WDR45B: variants seen among roughly 807,000 people sequenced by gnomAD.
The protein encoded by WDR45B is WD repeat domain 45B.
In WDR45B, 20 loss-of-function variants were observed where a neutral mutation model predicts 44.6. That is an observed-to-expected ratio of 0.45 (90% CI 0.32 to 0.65). The LOEUF is 0.65. Among genes scored for constraint, WDR45B ranks in the 30% least tolerant of loss-of-function variants. The pLI is 0.05. For synonymous variants in WDR45B, 169 were observed against 164.9 expected (o/e 1.02, Z -0.19); for missense variants, 323 against 430.2 (o/e 0.75, Z 2.20).
chr17:82,648,121 G>C (rs1295174863), intron 1 of WDR45B, among the ~76,000 whole-genome samples, 153 bp downstream of exon 1: 1 of 151,098 alleles, frequency 6.6e-6, no homozygotes, highest in African/African-American at 2.4e-5. Flanking sequence ...GCGAGGGCCG[G>C]GGCCGGGGGC....
intron 5 of WDR45B, among the ~76,000 whole-genome samples, chr17:82,622,816 G>A (rs2045636951): frequency 6.6e-6 from 1 of 151,560 alleles, no homozygotes; most frequent in African/African-American, 2.4e-5. Flanking sequence ...GGATGGTACT[G>A]GGATAAAGAC....
At chr17:82,628,957 G>A (rs556266557) in intron 3 of WDR45B, among the ~76,000 whole-genome samples, 14 of 149,610 alleles carry the variant, frequency 9.4e-5, no homozygotes, top group East Asian at 2.1e-4. Context: ...CCAGGACTGC[G>A]CAACTGCATT....
intron 3 of WDR45B, 106 bp from the exon 4 acceptor site, chr17:82,627,397 C>T (rs1383727809): frequency 2.2e-6 from 2 of 914,748 alleles, no homozygotes; most frequent in African/African-American, 3.3e-5. Flanking sequence ...CCCACTGGCA[C>T]AGCTGCGCCC....
chr17:82,628,104 C>T (rs1312189128), intron 3 of WDR45B, among the ~76,000 whole-genome samples: 1 of 152,146 alleles, frequency 6.6e-6, no homozygotes. Flanking sequence ...GAGATTCTCC[C>T]ACGTCAGCTT....
At position 82,617,361 on chromosome 17, in the gene WDR45B, T is replaced by C; in HGVS notation, c.741A>G (p.Val247=). The C allele has an allele frequency of 6.2e-7, 1 of 1,614,160 alleles. No individual in the cohort carries two copies. The highest frequency in any genetic ancestry group is 8.5e-7 in the Non-Finnish European group (1 of 1,180,018). ...NFNQDASLIC[V]SSDHGTVHIF... ...TATGCACTGTGCCGTGGTCGCTGGA[T>C]ACGCAGATGAGGGACGCATCCTGAT... The change falls in exon 8 of 10, where the codon GTA becomes GTG. Residue 247 remains valine (V), a synonymous_variant. Coordinates refer to ENST00000392325, the MANE Select transcript of WDR45B (RefSeq NM_019613.4).
At chr17:82,629,977 C>G (rs2045746675) in intron 3 of WDR45B, 2 of 982,008 alleles carry the variant, frequency 2.0e-6, no homozygotes, top group Non-Finnish European at 1.2e-6. Context: ...TCCTCCCACC[C>G]TACCCACCCA....
At chr17:82,616,971 C>G (rs933815927) in intron 8 of WDR45B, among the ~76,000 whole-genome samples, 2 of 152,126 alleles carry the variant, frequency 1.3e-5, no homozygotes, top group Non-Finnish European at 2.9e-5. Flanking sequence ...GCACCCGCCA[C>G]CACGCCCGGC....
At chr17:82,645,674 A>T (rs192147548) in intron 1 of WDR45B, among the ~76,000 whole-genome samples, 4 of 152,346 alleles carry the variant, frequency 2.6e-5, no homozygotes, top group Admixed American at 2.6e-4. Flanking sequence ...AAATGTGAAC[A>T]TATGGTCACT....
Position 82,619,036 on chromosome 17 carries a change from C to A in WDR45B, c.704+7G>T, listed in dbSNP as rs758803442. On this transcript the variant is annotated splice_region_variant and intron_variant, in intron 7 of 9. Transcript: ENST00000392325. Reference sequence around the variant, plus strand: ...TTCTTCTCCGGTGAAGTTGGAGGTGCCCTTACCAGTAAATATTGGCTGCTT... The same window carrying A: ...TTCTTCTCCGGTGAAGTTGGAGGTGACCTTACCAGTAAATATTGGCTGCTT... 3.1e-6 allele frequency: 5 copies of A among 1,613,808 alleles called. No homozygotes were observed. The African/African-American group carries it at 6.7e-5, about 22-fold the overall frequency.
intron 2 of WDR45B, among the ~76,000 whole-genome samples, chr17:82,632,537 A>G (rs939605937): frequency 2.6e-5 from 4 of 152,112 alleles, no homozygotes; most frequent in Non-Finnish European, 4.4e-5. Flanking sequence ...TCCATGACAA[A>G]AGGATGACCA....
chr17:82,643,824 G>T, intron 2 of WDR45B, 125 bp downstream of exon 2: 1 of 895,264 alleles, frequency 1.1e-6, no homozygotes. Flanking sequence ...AAGTTTATGA[G>T]GGGCCATGAA....
At chr17:82,621,882 C>A in intron 5 of WDR45B, 83 bp from the exon 6 acceptor site, 1 of 1,412,742 alleles carries the variant, frequency 7.1e-7, no homozygotes, top group African/African-American at 1.4e-5. Flanking sequence ...CAAAGTTCTC[C>A]GAAAAAATAG....
chr17:82,620,048 G>GA lies in WDR45B; in HGVS notation c.619-921dup, dbSNP rs554223313. On this transcript the variant is annotated intron_variant, in intron 6 of 9. Coordinates refer to ENST00000392325, the MANE Select transcript of WDR45B (RefSeq NM_019613.4). ...GAGAATCTAAAGATAAAAAGGGTAAGAAAAAATGTACCAAAAATACAGAGG... is the reference window on the plus strand; with the variant it reads ...GAGAATCTAAAGATAAAAAGGGTAAGAAAAAAATGTACCAAAAATACAGAGG... Among the ~76,000 whole-genome samples, 276 of 152,280 alleles carry GA rather than the reference G, an allele frequency of 1.8e-3. 1 individual carries two copies. The highest frequency in any genetic ancestry group is 3.5e-3 in the Non-Finnish European group (235 of 68,012).
At chr17:82,624,533 T>C (rs2045666422) in intron 5 of WDR45B, among the ~76,000 whole-genome samples, 2 of 152,106 alleles carry the variant, frequency 1.3e-5, no homozygotes, top group Admixed American at 1.3e-4. Flanking sequence ...GTGCTGGGAT[T>C]ACAGGCGTGA....
At position 82,619,147 on chromosome 17, in the gene WDR45B, T is replaced by A. The variant is rs1436704983; in HGVS notation, c.619-19A>T. 2 of 1,609,986 alleles carry A rather than the reference T, an allele frequency of 1.2e-6. No homozygotes were observed. Among genetic ancestry groups the A allele is most frequent in the Admixed American group, 3.3e-5 (2 of 60,018 alleles). ...GCGTCCCCTTTGAAAAACAGTGAAG[T>A]GTTTCATTATCAAAGATTCAAAACT... On this transcript the variant is annotated intron_variant, in intron 6 of 9. Coordinates refer to ENST00000392325, the MANE Select transcript of WDR45B (RefSeq NM_019613.4).
At chr17:82,638,976 C>T (rs1383631024) in intron 2 of WDR45B, among the ~76,000 whole-genome samples, 2 of 151,910 alleles carry the variant, frequency 1.3e-5, no homozygotes, top group Non-Finnish European at 2.9e-5. Flanking sequence ...GCACCCACCA[C>T]CATGCCCGGC....
chr17:82,636,687 T>C (rs1297713256), intron 2 of WDR45B: 2 of 152,084 alleles, frequency 1.3e-5, no homozygotes, highest in Non-Finnish European at 2.9e-5. Flanking sequence ...AAAGGGTTTA[T>C]TTAGCCTGTT....
intron 6 of WDR45B, 64 bp downstream of exon 6, chr17:82,621,545 G>A: frequency 2.5e-6 from 4 of 1,605,820 alleles, no homozygotes; most frequent in East Asian, 4.5e-5. Context: ...TACAGGGAAT[G>A]GCCATTTTGC....
In WDR45B at chr17:82,631,103, A is replaced by T; in HGVS notation, c.143-81T>A. The T allele has an allele frequency of 3.6e-6, 5 of 1,401,670 alleles. No individual in the cohort carries two copies. The South Asian group carries it at 5.9e-5, about 16-fold the overall frequency. 86.8% of individuals were successfully genotyped at this position (1,401,670 alleles called of 1,614,324 possible). A position where few individuals can be genotyped will look rare whatever the true frequency, so the allele number is the denominator to read the frequency against. ...ATAAAAAAGAAAAGAGAAAGTCAAGACAGGTAACGCAGCAATTTTCTATTT... is the reference window on the plus strand; with the variant it reads ...ATAAAAAAGAAAAGAGAAAGTCAAGTCAGGTAACGCAGCAATTTTCTATTT... On this transcript the variant is annotated intron_variant, in intron 2 of 9. Coordinates refer to ENST00000392325, the MANE Select transcript of WDR45B (RefSeq NM_019613.4).
Sources: allele counts gnomAD v4.1 joint callset (sites outside exome capture counted in the v4.1 genomes callset), GRCh38; gene constraint gnomAD v4.1.1; transcripts MANE v1.5; gene names NCBI Gene and HGNC (gene_info 2026-07-23, HGNC 2026-07-21).